Variants in RAPGEF4 observed in about 807,000 individuals in gnomAD.
RAPGEF4 encodes RAP guanine-nucleotide-exchange factor (GEF) 4.
A neutral mutation model predicts 147.9 loss-of-function variants in RAPGEF4; 66 were observed. The observed-to-expected ratio is 0.45, with a 90% CI of 0.37 to 0.55. The LOEUF (loss-of-function observed/expected upper bound fraction) is 0.55. Among genes scored for constraint, RAPGEF4 ranks in the 20% least tolerant of loss-of-function variants. The pLI is 0.00. For missense variants in RAPGEF4, 1,071 were observed against 1,257.3 expected (o/e 0.85, Z 2.24); for synonymous variants, 419 against 442.7 (o/e 0.95, Z 0.67).
chr2:172,794,363 AAAG>A (rs1686158775), intron 1 of RAPGEF4, among the ~76,000 whole-genome samples: 1 of 151,162 alleles, frequency 6.6e-6, no homozygotes, highest in East Asian at 1.9e-4. Context: ...AAAAAAAAAA[AAAG>A]AAAAAAGAAA....
At chr2:173,010,451 A>T (rs1239528221) in intron 17 of RAPGEF4, among the ~76,000 whole-genome samples, 7 of 152,214 alleles carry the variant, frequency 4.6e-5, no homozygotes, top group Admixed American at 4.6e-4. Flanking sequence ...CTTCTTGATC[A>T]TGCATTATTC....
chr2:172,826,881 G>A (rs1689726733), intron 4 of RAPGEF4, among the ~76,000 whole-genome samples: 1 of 151,784 alleles, frequency 6.6e-6, no homozygotes, highest in South Asian at 2.1e-4. Context: ...GGAGGATCAC[G>A]TAAGCCCTGG....
Position 172,961,122 on chromosome 2 carries a change from G to A in RAPGEF4, c.592G>A (p.Val198Ile), listed in dbSNP as rs1311747542. Residue 198 changes from valine (V) to isoleucine (I), a missense_variant and splice_region_variant, in exon 8 of 31, where the codon GTC (valine) becomes ATC (isoleucine). Val to Ile is a conservative substitution (Grantham distance 29). Transcript: ENST00000397081. ...CTCCTTCCACCTGATTACAATCCAG[G>A]TCCCTTCAGAGAAGATCCTCAGAGC... ...PLRPANTITKVPSEKILRAGK... is the reference protein window; with the variant it reads ...PLRPANTITKIPSEKILRAGK... 6.3e-7 allele frequency: 1 copy of A among 1,596,270 alleles called. No individual in the cohort carries two copies. Among genetic ancestry groups the A allele is most frequent in the Non-Finnish European group, 8.6e-7 (1 of 1,164,052 alleles).
intron 3 of RAPGEF4, among the ~76,000 whole-genome samples, chr2:172,811,212 G>A (rs186530750): frequency 8.5e-5 from 13 of 152,356 alleles, no homozygotes; most frequent in East Asian, 1.9e-4. Context: ...GCAGATGCTC[G>A]AGGTGGCACA....
At chr2:172,809,985 A>T (rs1235502650) in intron 3 of RAPGEF4, among the ~76,000 whole-genome samples, 1 of 152,208 alleles carries the variant, frequency 6.6e-6, no homozygotes, top group East Asian at 1.9e-4. Flanking sequence ...ATATTTTCCT[A>T]GTGATTTTGA....
chr2:172,862,875 C>A lies in RAPGEF4; in HGVS notation c.444+48450C>A, dbSNP rs368302337. The stretch of plus-strand genomic sequence containing the variant: ...GTTAGGAGGTGCTCTCCTGCCCTCA[C>A]AGGATATAGTAGTATCATTTACCCC... On this transcript the variant is annotated intron_variant, in intron 4 of 30. Transcript: ENST00000397081. 3.9e-5 allele frequency among the ~76,000 whole-genome samples: 6 copies of A among 152,128 alleles called. No homozygotes were observed. The East Asian group carries it at 9.6e-4, about 24-fold the overall frequency.
At chr2:172,754,455 G>A (rs911961460) in intron 1 of RAPGEF4, among the ~76,000 whole-genome samples, 4 of 152,042 alleles carry the variant, frequency 2.6e-5, no homozygotes, top group South Asian at 2.1e-4. Context: ...ACTAAAATTA[G>A]TTAATGTAAG....
At chr2:172,772,643 T>C (rs1683739758) in intron 1 of RAPGEF4, among the ~76,000 whole-genome samples, 1 of 151,702 alleles carries the variant, frequency 6.6e-6, no homozygotes, top group Non-Finnish European at 1.5e-5. Context: ...CGCACCCAGC[T>C]AAAACATTAT....
intron 4 of RAPGEF4, among the ~76,000 whole-genome samples, chr2:172,854,459 T>C (rs1302878903): frequency 2.0e-5 from 3 of 152,058 alleles, no homozygotes; most frequent in Admixed American, 6.5e-5. Context: ...TTTCTAACTA[T>C]CTGTTTCTTT....
intron 4 of RAPGEF4, among the ~76,000 whole-genome samples, chr2:172,915,727 T>A (rs1684002227): frequency 7.1e-6 from 1 of 139,902 alleles, no homozygotes. Context: ...AAAAGATATC[T>A]GAGTTTTGCT....
rs375844816 is a variant in RAPGEF4, at chr2:172,867,556, A to G, written c.445-50246A>G. ...AGAATACTCCTTTGCTTATCTGAAC[A>G]GATTCCTTATCATCTGAAATGTATC... is the stretch of plus-strand genomic sequence containing the variant. On this transcript the variant is annotated intron_variant, in intron 4 of 30. Coordinates refer to ENST00000397081, the MANE Select transcript of RAPGEF4 (RefSeq NM_007023.4). Among the ~76,000 whole-genome samples, 20 of 152,378 alleles carry G rather than the reference A, an allele frequency of 1.3e-4. No homozygotes were observed. In the East Asian group the frequency reaches 3.5e-3, roughly 26 times the overall value.
chr2:173,004,798 A>T (rs1018831615), intron 17 of RAPGEF4, among the ~76,000 whole-genome samples: 1 of 152,052 alleles, frequency 6.6e-6, no homozygotes, highest in Non-Finnish European at 1.5e-5. Flanking sequence ...TTTTATGTTC[A>T]TAAGATTTTA....
chr2:173,051,610 T>C, intron 30 of RAPGEF4, 30 bp from the exon 31 acceptor site: 8 of 1,607,584 alleles, frequency 5.0e-6, no homozygotes, highest in Non-Finnish European at 6.0e-6. Context: ...TATTACACAA[T>C]GCCAATTCTG....
intron 3 of RAPGEF4, among the ~76,000 whole-genome samples, chr2:172,803,223 C>G (rs1216742676): frequency 6.6e-6 from 1 of 152,224 alleles, no homozygotes; most frequent in African/African-American, 2.4e-5. Flanking sequence ...CCGCACTGCC[C>G]TAGCAGACGT....
At chr2:172,835,210 C>A (rs1054050255) in intron 4 of RAPGEF4, among the ~76,000 whole-genome samples, 5 of 152,204 alleles carry the variant, frequency 3.3e-5, no homozygotes, top group African/African-American at 1.2e-4. Flanking sequence ...TGTCACCTAG[C>A]AGCTTTGATA....
At chr2:173,033,424 G>A (rs1697383653) in intron 26 of RAPGEF4, among the ~76,000 whole-genome samples, 1 of 152,156 alleles carries the variant, frequency 6.6e-6, no homozygotes, top group African/African-American at 2.4e-5. Flanking sequence ...TTTAGGCACT[G>A]AGAAAAATAT....
At chr2:172,962,375 A>T (rs559853849) in intron 8 of RAPGEF4, among the ~76,000 whole-genome samples, 1 of 152,324 alleles carries the variant, frequency 6.6e-6, no homozygotes, top group African/African-American at 2.4e-5. Context: ...TTTCAAAGTT[A>T]CCATGAAGGA....
intron 1 of RAPGEF4, among the ~76,000 whole-genome samples, chr2:172,777,580 A>ACC (rs555095677): frequency 2.0e-5 from 3 of 150,226 alleles, no homozygotes; most frequent in African/African-American, 4.9e-5. Flanking sequence ...ACTTAAGAAG[A>ACC]CCCCCCCCAT....
intron 4 of RAPGEF4, among the ~76,000 whole-genome samples, chr2:172,841,259 A>G (rs1691556210): frequency 6.6e-6 from 1 of 152,140 alleles, no homozygotes; most frequent in Admixed American, 6.5e-5. Context: ...TGGTTCTTGA[A>G]AAGAGCCTAG....
Sources: gnomAD v4.1 joint callset for allele counts (sites outside exome capture counted in the v4.1 genomes callset) on GRCh38, gnomAD v4.1.1 for gene constraint, MANE v1.5 for transcripts, NCBI Gene and HGNC (gene_info 2026-07-23, HGNC 2026-07-21) for gene names.